Variants in CAPRIN1 observed in about 807,000 individuals in gnomAD.
CAPRIN1 encodes cell cycle associated protein 1, also known as caprin-1.
Under a neutral mutation model 100.9 loss-of-function variants are expected in CAPRIN1, and 29 were observed. That is an observed-to-expected ratio of 0.29 (90% confidence interval 0.21 to 0.39). The LOEUF (loss-of-function observed/expected upper bound fraction) is 0.39, where lower values mean the gene tolerates loss of function less well. Ranked by LOEUF, CAPRIN1 falls within the 10% of genes least tolerant of loss-of-function variation. The pLI is 1.00. For synonymous variants in CAPRIN1, 338 were observed against 307.5 expected, an observed-to-expected ratio of 1.10 and a Z score of -1.04; for missense variants, 795 against 876.7, an observed-to-expected ratio of 0.91 and a Z score of 1.18.
rs1565099017 is a variant in CAPRIN1 at position 34,096,675 on chromosome 11, T to A, written c.1900+2T>A. On this transcript the variant is annotated splice_donor_variant, in intron 16 of 18. Coordinates refer to ENST00000341394, the MANE Select transcript of CAPRIN1 (RefSeq NM_005898.5). LOFTEE classifies it high-confidence loss of function. ...GGGGCCCTGCCAATGGATTCAGAGG[T>A]AAAAAAATAAAAAAGGAGGTTCTAA... 2 of 1,574,482 alleles carry A rather than the reference T, an allele frequency of 1.3e-6. No individual in the cohort carries two copies. The highest frequency in any genetic ancestry group is 1.7e-6 in the Non-Finnish European group (2 of 1,157,122).
Position 34,096,681 on chromosome 11 carries a change from A to C in CAPRIN1, c.1900+8A>C, listed in dbSNP as rs1248221146. 2 of 1,578,730 alleles carry C rather than the reference A, an allele frequency of 1.3e-6. No individual in the cohort carries two copies. Among genetic ancestry groups the C allele is most frequent in the East Asian group, 4.5e-5 (2 of 44,200 alleles). On this transcript the variant is annotated splice_region_variant and intron_variant, in intron 16 of 18. Transcript: ENST00000341394. The stretch of plus-strand genomic sequence containing the variant: ...CTGCCAATGGATTCAGAGGTAAAAA[A>C]ATAAAAAAGGAGGTTCTAATGACCT...
At chr11:34,068,806 T>C (rs963498627) in intron 2 of CAPRIN1, among the ~76,000 whole-genome samples, 2 of 152,232 alleles carry the variant, frequency 1.3e-5, no homozygotes, top group Admixed American at 1.3e-4. Context: ...TATCTTTTTA[T>C]ATTTATTTTC....
At chr11:34,087,364 C>T (rs1477778906) in intron 11 of CAPRIN1, among the ~76,000 whole-genome samples, 6 of 90,186 alleles carry the variant, frequency 6.7e-5, no homozygotes, top group East Asian at 2.8e-4. Flanking sequence ...GACGGAGTCT[C>T]GCTCTGTCGC....
chr11:34,065,682 A>G (rs1850674749), intron 2 of CAPRIN1, among the ~76,000 whole-genome samples: 1 of 152,226 alleles, frequency 6.6e-6, no homozygotes, highest in African/African-American at 2.4e-5. Flanking sequence ...TGTATACCTC[A>G]ATAGCTGAGA....
chr11:34,083,253 A>G (rs1002496457), intron 9 of CAPRIN1, among the ~76,000 whole-genome samples: 1 of 152,226 alleles, frequency 6.6e-6, no homozygotes, highest in African/African-American at 2.4e-5. Context: ...ATCTAAAAAA[A>G]TTATTTTATA....
At position 34,082,520 on chromosome 11, in the gene CAPRIN1, C is replaced by T. The variant is rs115131916; in HGVS notation, c.827-305C>T. Among the ~76,000 whole-genome samples the T allele has an allele frequency of 7.5e-3, 1,145 of 152,254 alleles. 12 individuals are homozygous for T. The highest frequency in any genetic ancestry group is 0.026 in the African/African-American group (1,078 of 41,540). ...ATTTTTTAGAGCAGTTTTAGGCTCA[C>T]AGCAAAACTGAACAGAAGGTGTAGA... On this transcript the variant is annotated intron_variant, in intron 7 of 18. Coordinates refer to ENST00000341394, the MANE Select transcript of CAPRIN1 (RefSeq NM_005898.5).
At chr11:34,057,349 C>A (rs1243520018) in intron 2 of CAPRIN1, among the ~76,000 whole-genome samples, 4 of 152,094 alleles carry the variant, frequency 2.6e-5, no homozygotes, top group Admixed American at 2.6e-4. Flanking sequence ...TGTGAATTCC[C>A]CCAAGTGATA....
intron 2 of CAPRIN1, among the ~76,000 whole-genome samples, chr11:34,059,405 AC>A (rs987186709): frequency 1.6e-4 from 25 of 151,752 alleles, no homozygotes; most frequent in Non-Finnish European, 1.5e-5. Flanking sequence ...AGTAGCTGGG[AC>A]TACAGGTGCA....
At chr11:34,088,235 C>A (rs946094481) in intron 11 of CAPRIN1, among the ~76,000 whole-genome samples, 3 of 152,126 alleles carry the variant, frequency 2.0e-5, no homozygotes, top group African/African-American at 7.2e-5. Flanking sequence ...AATCTCTTGA[C>A]CTCGTGATCC....
intron 4 of CAPRIN1, among the ~76,000 whole-genome samples, chr11:34,072,587 G>GAGAGGAATAATTGA (rs1850824357): frequency 6.6e-6 from 1 of 152,038 alleles, no homozygotes; most frequent in East Asian, 1.9e-4. Flanking sequence ...AACCTTAAGG[G>GAGAGGAATAATTGA]GTATGGCAAA....
chr11:34,096,446 T>A, intron 15 of CAPRIN1, 33 bp from the exon 16 acceptor site: 1 of 1,535,774 alleles, frequency 6.5e-7, no homozygotes, highest in Non-Finnish European at 9.0e-7. Flanking sequence ...ATGAGCTGTT[T>A]ATGTATATAT....
At position 34,101,939 on chromosome 11, in the gene CAPRIN1, G is replaced by T. The variant is rs1031501716; in HGVS notation, c.*2572G>T. 1.3e-5 allele frequency among the ~76,000 whole-genome samples: 2 copies of T among 152,100 alleles called. No individual in the cohort carries two copies. Among genetic ancestry groups the T allele is most frequent in the African/African-American group, 4.8e-5 (2 of 41,424 alleles). On this transcript the variant is annotated 3_prime_UTR_variant, in exon 19 of 19. Coordinates refer to ENST00000341394, the MANE Select transcript of CAPRIN1 (RefSeq NM_005898.5). Reference sequence around the variant, plus strand: ...AATATAAATCATCTCATGTGGATATGAAACTTCTTTTTTAAAACTTAAAAA... The same window carrying T: ...AATATAAATCATCTCATGTGGATATTAAACTTCTTTTTTAAAACTTAAAAA...
intron 11 of CAPRIN1, among the ~76,000 whole-genome samples, chr11:34,088,139 A>G (rs1246972175): frequency 6.6e-6 from 1 of 152,076 alleles, no homozygotes; most frequent in Admixed American, 6.6e-5. Context: ...AGTAGCTGAA[A>G]GTACAGGCAC....
At chr11:34,086,018 C>G (rs1435327647) in intron 9 of CAPRIN1, 46 bp from the exon 10 acceptor site, 1 of 1,574,032 alleles carries the variant, frequency 6.4e-7, no homozygotes, top group East Asian at 2.2e-5. Flanking sequence ...GTGAGTGGAG[C>G]TTTTTTGCTC....
At chr11:34,057,661 G>A (rs961752233) in intron 2 of CAPRIN1, among the ~76,000 whole-genome samples, 13 of 152,058 alleles carry the variant, frequency 8.5e-5, no homozygotes, top group Non-Finnish European at 1.9e-4. Context: ...TAAACTTATA[G>A]CAATTTTGTC....
Position 34,076,352 on chromosome 11 carries a change from T to A in CAPRIN1, c.483T>A (p.Asp161Glu), listed in dbSNP as rs1850906933. The A allele has an allele frequency of 6.2e-7, 1 of 1,614,088 alleles. No homozygotes were observed. The highest frequency in any genetic ancestry group is 1.7e-5 in the Admixed American group (1 of 60,012). The change falls in exon 5 of 19, where the codon GAT (aspartate) becomes GAA (glutamate). Residue 161 changes from aspartate to glutamate, a missense_variant. Physicochemically the swap from Asp to Glu is conservative, Grantham distance 45. Around this residue, in one of 3 missense-constraint regions of CAPRIN1, gnomAD observed 648 missense variants for 697.9 expected, o/e 0.93. Transcript: ENST00000341394. Reference protein sequence around the residue: ...ELQYVLDKLGDDEVRTDLKQG... With the variant: ...ELQYVLDKLGEDEVRTDLKQG... ...AGTATGTTTTGGACAAATTGGGAGA[T>A]GATGAAGTGCGGACTGACCTGAAAC...
intron 2 of CAPRIN1, 34 bp from the exon 3 acceptor site, chr11:34,071,692 A>G: frequency 6.6e-7 from 1 of 1,508,602 alleles, no homozygotes. Context: ...TACCTTCAAA[A>G]CGGAATGTAA....
At chr11:34,056,278 A>G (rs967898538) in intron 2 of CAPRIN1, among the ~76,000 whole-genome samples, 3 of 151,668 alleles carry the variant, frequency 2.0e-5, no homozygotes, top group Non-Finnish European at 2.9e-5. Flanking sequence ...AAAAATGACT[A>G]TGGATATGTA....
chr11:34,084,245 C>T (rs189360390), intron 9 of CAPRIN1, among the ~76,000 whole-genome samples: 26 of 152,068 alleles, frequency 1.7e-4, no homozygotes, highest in Middle Eastern at 3.4e-3. Context: ...TGAGCCACTG[C>T]GCCTGGCCCA....
Sources: allele counts gnomAD v4.1 joint callset (sites outside exome capture counted in the v4.1 genomes callset), GRCh38; gene constraint gnomAD v4.1.1; regional missense constraint gnomAD v4.1.1; transcripts MANE v1.5; gene names NCBI Gene and HGNC (gene_info 2026-07-23, HGNC 2026-07-21).